The following ATP11C variants were observed in gnomAD, a reference collection of about 807,000 sequenced individuals.
The protein encoded by ATP11C is phospholipid-transporting ATPase IG.
ATP11C carries 36 observed loss-of-function variants against 97.4 expected under a neutral mutation model. That is an observed-to-expected ratio of 0.37 (90% CI 0.28 to 0.49). ATP11C has a LOEUF of 0.49. Among genes scored for constraint, ATP11C ranks in the 20% least tolerant of loss-of-function variants. The pLI, the probability that ATP11C is intolerant of heterozygous loss-of-function variation, is 0.98. For missense variants in ATP11C, 730 were observed against 824.6 expected, an observed-to-expected ratio of 0.89 and a Z score of 1.40; for synonymous variants, 275 against 290.9, an observed-to-expected ratio of 0.95 and a Z score of 0.56.
In ATP11C at chrX:139,788,353, A is replaced by G. The variant is rs1443952481; in HGVS notation, c.1369-10T>C. The G allele has an allele frequency of 1.7e-6, 2 of 1,191,323 alleles. No homozygotes were observed. The highest frequency in any genetic ancestry group is 3.5e-5 in the African/African-American group (2 of 56,746). ...ACAGCTCTTCTCGATTCTGTGGAACAGCAACAAAATAATGATTATTATTTT... is the reference window on the plus strand; with the variant it reads ...ACAGCTCTTCTCGATTCTGTGGAACGGCAACAAAATAATGATTATTATTTT... On this transcript the variant is annotated splice_polypyrimidine_tract_variant and intron_variant, in intron 13 of 29. Coordinates refer to ENST00000682941, the MANE Select transcript of ATP11C (RefSeq NM_001353812.2).
intron 1 of ATP11C, among the ~76,000 whole-genome samples, chrX:139,853,753 T>G (rs2147964846): frequency 1.1e-5 from 1 of 91,570 alleles, no homozygotes; most frequent in Admixed American, 1.4e-4. Context: ...ATGGCTTTGC[T>G]AACAGAAGAA....
chrX:139,745,312 G>A (rs1278654592), intron 25 of ATP11C, among the ~76,000 whole-genome samples: 1 of 111,290 alleles, frequency 9.0e-6, no homozygotes, highest in East Asian at 2.8e-4. Context: ...CACATATTGG[G>A]CCAACACTCC....
At chrX:139,783,304 T>C in intron 16 of ATP11C, 37 bp from the exon 17 acceptor site, 1 of 1,028,906 alleles carries the variant, frequency 9.7e-7, no homozygotes, top group African/African-American at 1.9e-5. Context: ...CTTAGAATTT[T>C]AAGGCTGGTA....
At chrX:139,931,575 G>A (rs2085434196) in intron 1 of ATP11C, among the ~76,000 whole-genome samples, 1 of 112,580 alleles carries the variant, frequency 8.9e-6, no homozygotes, top group South Asian at 3.7e-4. Flanking sequence ...TCAGCCCCCA[G>A]CTCTTCTTTT....
chrX:139,745,955 T>C (rs1461980135), intron 24 of ATP11C, 98 bp from the exon 25 acceptor site: 1 of 946,655 alleles, frequency 1.1e-6, no homozygotes. Context: ...CCTGTTATAA[T>C]GAAGGGGGCT....
intron 23 of ATP11C, among the ~76,000 whole-genome samples, chrX:139,750,426 A>G (rs772677467): frequency 1.8e-5 from 2 of 111,865 alleles, no homozygotes; most frequent in Admixed American, 9.5e-5. Context: ...ATAGACATGA[A>G]CAACTTTTCA....
intron 1 of ATP11C, among the ~76,000 whole-genome samples, chrX:139,904,433 CAGG>C (rs1339637100): frequency 9.0e-6 from 1 of 110,671 alleles, no homozygotes; most frequent in Non-Finnish European, 1.9e-5. Flanking sequence ...GAGGTTGAGG[CAGG>C]AGAATAGCTT....
intron 20 of ATP11C, 135 bp downstream of exon 20, chrX:139,768,125 A>AAGAAGC (rs1048179840): frequency 2.4e-6 from 1 of 419,112 alleles, no homozygotes; most frequent in African/African-American, 2.6e-5. Flanking sequence ...TACAAAAAGA[A>AAGAAGC]AGAAGCCTTG....
rs1218396393 is a variant in ATP11C at position 139,887,501 on chromosome X, A to T, written c.27+44515T>A. Reference sequence around the variant, plus strand: ...AAATTAGCTGGGCATGGTGGTGCACACCTATAGTACCAGCTACTCGGGAGG... The same window carrying T: ...AAATTAGCTGGGCATGGTGGTGCACTCCTATAGTACCAGCTACTCGGGAGG... On this transcript the variant is annotated intron_variant, in intron 1 of 29. Transcript: ENST00000682941. 3.6e-5 allele frequency among the ~76,000 whole-genome samples: 4 copies of T among 110,684 alleles called. No homozygotes were observed. The Admixed American group carries it at 3.9e-4, about 11-fold the overall frequency.
At chrX:139,871,514 C>G (rs373579966) in intron 1 of ATP11C, among the ~76,000 whole-genome samples, 2 of 99,055 alleles carry the variant, frequency 2.0e-5, no homozygotes, top group Non-Finnish European at 4.0e-5. Flanking sequence ...TGGCCACCCC[C>G]GCTTTTTTTT....
intron 1 of ATP11C, among the ~76,000 whole-genome samples, chrX:139,836,429 C>T (rs1198424405): frequency 1.8e-5 from 2 of 110,705 alleles, no homozygotes; most frequent in African/African-American, 6.6e-5. Context: ...GCAGGAGAAT[C>T]GCTTGAGCCT....
At chrX:139,855,280 G>T (rs2084070655) in intron 1 of ATP11C, among the ~76,000 whole-genome samples, 1 of 111,925 alleles carries the variant, frequency 8.9e-6, no homozygotes. Context: ...CAAAAGGTCA[G>T]TTTCTTAGAA....
chrX:139,776,227 A>C (rs894697043), intron 18 of ATP11C, among the ~76,000 whole-genome samples: 1 of 112,121 alleles, frequency 8.9e-6, no homozygotes, highest in African/African-American at 3.2e-5. Context: ...TACCTGGAGA[A>C]ACTTTTCACC....
chrX:139,856,641 GA>G (rs1207445172), intron 1 of ATP11C, among the ~76,000 whole-genome samples: 1 of 112,328 alleles, frequency 8.9e-6, no homozygotes, highest in African/African-American at 3.2e-5. Context: ...CGTCTATTTA[GA>G]TGCAATTGGA....
At chrX:139,852,562 C>T (rs924224921) in intron 1 of ATP11C, among the ~76,000 whole-genome samples, 7 of 98,861 alleles carry the variant, frequency 7.1e-5, no homozygotes, top group Non-Finnish European at 1.2e-4. Flanking sequence ...GGATAAGCCG[C>T]GGGAGCCGTA....
At chrX:139,851,354 G>C (rs1207417207) in intron 1 of ATP11C, among the ~76,000 whole-genome samples, 2 of 112,177 alleles carry the variant, frequency 1.8e-5, no homozygotes, top group African/African-American at 6.5e-5. Context: ...CAGGTGTGCA[G>C]AATATGAGAG....
intron 5 of ATP11C, among the ~76,000 whole-genome samples, chrX:139,808,806 T>C (rs1310135106): frequency 8.9e-6 from 1 of 112,356 alleles, no homozygotes; most frequent in African/African-American, 3.2e-5. Flanking sequence ...TAGTTCTTAT[T>C]GTTAATCTTT....
chrX:139,853,833 C>CAAAAA (rs934664774), intron 1 of ATP11C, among the ~76,000 whole-genome samples: 6 of 21,263 alleles, frequency 2.8e-4, no homozygotes, highest in East Asian at 2.0e-3. Flanking sequence ...TATCCTAAGT[C>CAAAAA]AAAAAAAAAA....
At chrX:139,874,312 G>A (rs750118452) in intron 1 of ATP11C, among the ~76,000 whole-genome samples, 10 of 104,273 alleles carry the variant, frequency 9.6e-5, no homozygotes, top group African/African-American at 1.4e-4. Flanking sequence ...CACCCACCTC[G>A]GACTCCCAAA....
Sources: gnomAD v4.1 joint callset for allele counts (sites outside exome capture counted in the v4.1 genomes callset) on GRCh38, gnomAD v4.1.1 for gene constraint, MANE v1.5 for transcripts, NCBI Gene and HGNC (gene_info 2026-07-23, HGNC 2026-07-21) for gene names.